PTPRD: variants seen among roughly 807,000 people sequenced by gnomAD.
PTPRD encodes protein tyrosine phosphatase receptor type D.
In PTPRD, 34 loss-of-function variants were observed where a neutral mutation model predicts 214.5. The observed-to-expected ratio is 0.16, with a 90% CI of 0.12 to 0.21. The LOEUF is 0.21. Among genes scored for constraint, PTPRD ranks in the 10% least tolerant of loss-of-function variants. The pLI, the probability that PTPRD is intolerant of heterozygous loss-of-function variation, is 1.00. For missense variants in PTPRD, 2,545 were observed against 2,398.7 expected, an observed-to-expected ratio of 1.06 and a Z score of -1.27; for synonymous variants, 1,128 against 845.7, an observed-to-expected ratio of 1.33 and a Z score of -5.79.
At position 9,357,686 on chromosome 9, in the gene PTPRD, A is replaced by T. The variant is rs1596321651; in HGVS notation, c.-203+39763T>A. ...TACCACAATAAAATTATTAAATCAG[A>T]GGATGTGCTGCTCAATAGTTTTTAA... On this transcript the variant is annotated intron_variant, in intron 9 of 45. Transcript: ENST00000381196. Among the ~76,000 whole-genome samples, 10 of 150,018 alleles carry T rather than the reference A, an allele frequency of 6.7e-5. No individual in the cohort carries two copies. In the South Asian group the frequency reaches 2.1e-3, roughly 31 times the overall value.
At chr9:9,790,209 T>C (rs1420643755) in intron 5 of PTPRD, among the ~76,000 whole-genome samples, 1 of 152,164 alleles carries the variant, frequency 6.6e-6, no homozygotes, top group African/African-American at 2.4e-5. Context: ...TGAATGTTTG[T>C]TTTGTTTTCT....
chr9:10,262,341 C>T (rs2093751642), intron 3 of PTPRD, among the ~76,000 whole-genome samples: 1 of 152,112 alleles, frequency 6.6e-6, no homozygotes, highest in Middle Eastern at 3.2e-3. Context: ...ATCACAATAC[C>T]TTACAGAGTG....
At chr9:10,073,234 G>A (rs948843599) in intron 3 of PTPRD, among the ~76,000 whole-genome samples, 1 of 152,000 alleles carries the variant, frequency 6.6e-6, no homozygotes, top group Non-Finnish European at 1.5e-5. Context: ...ATACCAGGAT[G>A]GAATGCAGGC....
At chr9:10,150,509 C>T (rs958158333) in intron 3 of PTPRD, among the ~76,000 whole-genome samples, 6 of 151,196 alleles carry the variant, frequency 4.0e-5, no homozygotes, top group Admixed American at 6.6e-5. Context: ...CGGGGCCTTT[C>T]GTGGGGCAGG....
intron 11 of PTPRD, among the ~76,000 whole-genome samples, chr9:8,848,188 A>C (rs7018889): frequency 0.14 from 21,937 of 151,906 alleles, 3,788 homozygotes; most frequent in African/African-American, 0.42. Flanking sequence ...AGGTCATCGA[A>C]TCAAAACCCC....
chr9:8,481,401 A>C (rs1482935865), intron 30 of PTPRD, among the ~76,000 whole-genome samples: 4 of 152,186 alleles, frequency 2.6e-5, no homozygotes, highest in Non-Finnish European at 5.9e-5. Flanking sequence ...GATGTGTATC[A>C]GGTCTGAATT....
chr9:8,796,522 A>G (rs1008864857), intron 11 of PTPRD, among the ~76,000 whole-genome samples: 1 of 152,178 alleles, frequency 6.6e-6, no homozygotes, highest in Non-Finnish European at 1.5e-5. Flanking sequence ...AAGTAGAAAT[A>G]TGGAATTTAA....
At chr9:9,126,718 T>G (rs960756576) in intron 10 of PTPRD, among the ~76,000 whole-genome samples, 9 of 152,154 alleles carry the variant, frequency 5.9e-5, no homozygotes, top group African/African-American at 2.2e-4. Flanking sequence ...AAAGTGAAAA[T>G]TTTAAGAAGT....
chr9:10,002,372 T>A (rs1228182811), intron 4 of PTPRD, among the ~76,000 whole-genome samples: 1 of 147,964 alleles, frequency 6.8e-6, no homozygotes, highest in Non-Finnish European at 1.5e-5. Flanking sequence ...CCAATTTAAA[T>A]GCTGAGGTTG....
At chr9:9,327,374 G>A (rs1356780554) in intron 9 of PTPRD, among the ~76,000 whole-genome samples, 1 of 152,012 alleles carries the variant, frequency 6.6e-6, no homozygotes, top group African/African-American at 2.4e-5. Context: ...AACCGAAATG[G>A]AAACAGTTAT....
At chr9:9,648,010 A>G (rs560146582) in intron 7 of PTPRD, among the ~76,000 whole-genome samples, 4 of 152,272 alleles carry the variant, frequency 2.6e-5, no homozygotes, top group East Asian at 3.9e-4. Flanking sequence ...TTCCTTAAAC[A>G]TAGTGATCTT....
At chr9:8,895,010 G>C (rs144801437) in intron 11 of PTPRD, among the ~76,000 whole-genome samples, 2 of 152,150 alleles carry the variant, frequency 1.3e-5, no homozygotes, top group East Asian at 3.9e-4. Flanking sequence ...GCTGTCTTTT[G>C]CATATATATT....
chr9:9,059,924 C>A (rs193407), intron 10 of PTPRD, among the ~76,000 whole-genome samples: 4 of 151,842 alleles, frequency 2.6e-5, no homozygotes, highest in Non-Finnish European at 5.9e-5. Flanking sequence ...GGAGGGTTAC[C>A]CCATATTTAT....
chr9:8,935,415 G>C (rs2098990121), intron 11 of PTPRD, among the ~76,000 whole-genome samples: 1 of 27,164 alleles, frequency 3.7e-5, no homozygotes. Flanking sequence ...TGAATCGAAA[G>C]ATCTGTACAT....
At chr9:9,032,819 G>C (rs1396673745) in intron 10 of PTPRD, among the ~76,000 whole-genome samples, 2 of 152,098 alleles carry the variant, frequency 1.3e-5, no homozygotes, top group African/African-American at 4.8e-5. Flanking sequence ...ACTTCTTAGG[G>C]TTGCAGTGAA....
chr9:8,753,816 A>C (rs2093740481), intron 11 of PTPRD, among the ~76,000 whole-genome samples: 3 of 152,330 alleles, frequency 2.0e-5, no homozygotes, highest in South Asian at 2.1e-4. Flanking sequence ...GACTTAAATA[A>C]ATGGATGATT....
intron 5 of PTPRD, among the ~76,000 whole-genome samples, chr9:9,882,913 G>T (rs1043243673): frequency 1.3e-5 from 2 of 152,066 alleles, no homozygotes; most frequent in African/African-American, 4.8e-5. Flanking sequence ...CATGAGTTTT[G>T]GTTGTTGAAA....
chr9:9,900,532 C>T (rs979217150), intron 5 of PTPRD, among the ~76,000 whole-genome samples: 2 of 152,170 alleles, frequency 1.3e-5, no homozygotes, highest in Admixed American at 1.3e-4. Flanking sequence ...AAGCGCAAGT[C>T]TCTAAGAAGT....
intron 2 of PTPRD, among the ~76,000 whole-genome samples, chr9:10,435,338 T>C (rs1191554791): frequency 1.3e-5 from 2 of 151,934 alleles, no homozygotes; most frequent in East Asian, 3.9e-4. Context: ...ACACGACTCA[T>C]ACAGAATGCA....
Sources: gnomAD v4.1 joint callset for allele counts (sites outside exome capture counted in the v4.1 genomes callset) on GRCh38, gnomAD v4.1.1 for gene constraint, MANE v1.5 for transcripts, NCBI Gene and HGNC (gene_info 2026-07-23, HGNC 2026-07-21) for gene names.